Variants in ZNF248 observed in about 807,000 individuals in gnomAD.
ZNF248 encodes the protein KRAB protein domain.
In ZNF248, 20 loss-of-function variants were observed where a neutral mutation model predicts 44.3. That is an observed-to-expected ratio of 0.45 (90% CI 0.32 to 0.66). The LOEUF (loss-of-function observed/expected upper bound fraction) is 0.66. Among genes scored for constraint, ZNF248 ranks in the 30% least tolerant of loss-of-function variants. ZNF248 has a pLI of 0.04. For missense variants in ZNF248, 654 were observed against 677.0 expected, an observed-to-expected ratio of 0.97 and a Z score of 0.38; for synonymous variants, 224 against 229.0, an observed-to-expected ratio of 0.98 and a Z score of 0.20.
intron 6 of ZNF248, among the ~76,000 whole-genome samples, chr10:37,821,263 T>C (rs575556496): frequency 4.6e-4 from 68 of 148,658 alleles, no homozygotes; most frequent in Admixed American, 2.1e-3. Flanking sequence ...ATTTCCTTGG[T>C]TCTTATTTAA....
At chr10:37,852,986 C>T (rs976090847) in intron 3 of ZNF248, among the ~76,000 whole-genome samples, 1 of 151,920 alleles carries the variant, frequency 6.6e-6, no homozygotes, top group East Asian at 1.9e-4. Flanking sequence ...CTCAGCCTCC[C>T]GAGTAGCTGG....
rs1421654474 is a variant in ZNF248, at chr10:37,833,029, T to G, written c.326A>C (p.Lys109Thr). The change falls in exon 6 of 6, where the codon AAA (lysine) becomes ACA (threonine). Residue 109 changes from lysine (K) to threonine (T), a missense_variant. Lys to Thr is a moderately conservative substitution (Grantham distance 78). Transcript: ENST00000395867. ...ATCTCCATTTTCTACACTTACTGTT[T>G]TGTTGTTGTGGAATAGAAGCTCCCA... is the stretch of plus-strand genomic sequence containing the variant. ...HFWELLFHNN[K>T]TVSVENGDRG... 1 of 1,613,712 alleles carries G rather than the reference T, an allele frequency of 6.2e-7. No individual in the cohort carries two copies. The highest frequency in any genetic ancestry group is 1.7e-5 in the Admixed American group (1 of 59,986).
At chr10:37,856,214 T>C (rs1148294) in intron 3 of ZNF248, 82 bp downstream of exon 3, 112,873 of 1,490,682 alleles carry the variant, frequency 0.076, 4,915 homozygotes, top group Non-Finnish European at 0.088. Context: ...ATTTCTATTT[T>C]TCCATTTTCA....
chr10:37,821,325 G>C (rs1369105663), intron 6 of ZNF248, among the ~76,000 whole-genome samples: 2 of 152,136 alleles, frequency 1.3e-5, no homozygotes, highest in African/African-American at 4.8e-5. Context: ...CATTTAGAGA[G>C]GAAGAAACTG....
At chr10:37,760,246 TG>T in the ZNF248 span, among the ~76,000 whole-genome samples, 4,185 of 152,290 alleles carry the variant, frequency 0.027, 140 homozygotes, top group African/African-American at 0.082. Flanking sequence ...GTTTTGTTTT[TG>T]AAAGAGGGTC....
intron 6 of ZNF248, among the ~76,000 whole-genome samples, chr10:37,821,246 ATTTAGGATT>A (rs2053417710): frequency 1.4e-5 from 2 of 147,840 alleles, no homozygotes; most frequent in South Asian, 4.1e-4. Flanking sequence ...GGATGAATAT[ATTTAGGATT>A]TCCTTGGTTC....
chr10:37,817,352 T>G (rs2052659792), intron 6 of ZNF248, among the ~76,000 whole-genome samples: 1 of 147,934 alleles, frequency 6.8e-6, no homozygotes, highest in Non-Finnish European at 1.5e-5. Context: ...TAATTTTTTT[T>G]TGCATGGATG....
At chr10:37,769,139 C>A in the ZNF248 span, among the ~76,000 whole-genome samples, 1 of 152,040 alleles carries the variant, frequency 6.6e-6, no homozygotes, top group Admixed American at 6.6e-5. Context: ...AATAGCTTAC[C>A]AACCAAAAAA....
intron 6 of ZNF248, among the ~76,000 whole-genome samples, chr10:37,782,521 A>C (rs1042905717): frequency 6.6e-6 from 1 of 152,114 alleles, no homozygotes; most frequent in Non-Finnish European, 1.5e-5. Context: ...AGACATGTTC[A>C]AGTCCTAACA....
chr10:37,809,079 G>A (rs2051075256), intron 6 of ZNF248, among the ~76,000 whole-genome samples: 2 of 151,996 alleles, frequency 1.3e-5, no homozygotes, highest in African/African-American at 4.8e-5. Flanking sequence ...TTATATCCCT[G>A]TCTTCATTTC....
chr10:37,852,374 C>A (rs1319950624), intron 3 of ZNF248, among the ~76,000 whole-genome samples: 1 of 152,034 alleles, frequency 6.6e-6, no homozygotes, highest in Admixed American at 6.6e-5. Flanking sequence ...AAAAGCTAAC[C>A]CCAAGAGGTT....
At chr10:37,759,697 A>G in the ZNF248 span, among the ~76,000 whole-genome samples, 1 of 152,230 alleles carries the variant, frequency 6.6e-6, no homozygotes. Context: ...AATGTTGCTC[A>G]GTCAGACAAG....
intron 6 of ZNF248, among the ~76,000 whole-genome samples, chr10:37,777,647 C>A (rs1289867076): frequency 2.7e-5 from 4 of 150,026 alleles, no homozygotes; most frequent in Non-Finnish European, 5.9e-5. Flanking sequence ...AACTCGTCAT[C>A]TAGCATTAGG....
At chr10:37,803,092 G>A (rs1564493664) in intron 6 of ZNF248, 1 of 151,986 alleles carries the variant, frequency 6.6e-6, no homozygotes, top group East Asian at 1.9e-4. Flanking sequence ...CCAGAGTGCT[G>A]GGATTACAGG....
chr10:37,808,356 C>T (rs1270121169), intron 6 of ZNF248, among the ~76,000 whole-genome samples: 1 of 150,974 alleles, frequency 6.6e-6, no homozygotes, highest in Non-Finnish European at 1.5e-5. Context: ...GATCTCAGCT[C>T]ACTGCAACCT....
At chr10:37,825,691 T>C (rs1264214432), downstream of ZNF248, among the ~76,000 whole-genome samples, 1 of 152,106 alleles carries the variant, frequency 6.6e-6, no homozygotes, top group Admixed American at 6.5e-5. Context: ...TCTTCCCACG[T>C]CGGCCTCCCA....
chr10:37,809,275 A>C (rs1050479236), intron 6 of ZNF248, among the ~76,000 whole-genome samples: 1 of 121,856 alleles, frequency 8.2e-6, no homozygotes, highest in Non-Finnish European at 1.8e-5. Context: ...AGTTCTTTTT[A>C]TTTATTGTTT....
intron 6 of ZNF248, among the ~76,000 whole-genome samples, chr10:37,802,417 C>G (rs148710447): frequency 6.6e-6 from 1 of 152,156 alleles, no homozygotes; most frequent in Non-Finnish European, 1.5e-5. Flanking sequence ...GGAACACCCA[C>G]GTGTCCATGC....
chr10:37,816,297 GA>G (rs2052453843), intron 6 of ZNF248, among the ~76,000 whole-genome samples: 1 of 152,176 alleles, frequency 6.6e-6, no homozygotes, highest in Non-Finnish European at 1.5e-5. Flanking sequence ...GCACCTCCAC[GA>G]TCAGAAGGAG....
Sources: allele counts gnomAD v4.1 joint callset (sites outside exome capture counted in the v4.1 genomes callset), GRCh38; gene constraint gnomAD v4.1.1; transcripts MANE v1.5; gene names NCBI Gene and HGNC (gene_info 2026-07-23, HGNC 2026-07-21).